The following LRMDA variants were observed in gnomAD, a reference collection of about 807,000 sequenced individuals.
LRMDA encodes the protein leucine-rich melanocyte differentiation-associated protein.
In LRMDA, 18 loss-of-function variants were observed where a neutral mutation model predicts 29.8. The ratio of observed to expected loss-of-function variants is 0.60; its 90% CI spans 0.42 to 0.90. LRMDA has a LOEUF of 0.90. Ranked by LOEUF, LRMDA falls within the 40% of genes least tolerant of loss-of-function variation. The pLI is 0.00. For synonymous variants in LRMDA, 125 were observed against 109.4 expected, an observed-to-expected ratio of 1.14 and a Z score of -0.89; for missense variants, 273 against 273.9, an observed-to-expected ratio of 1.00 and a Z score of 0.02.
intron 2 of LRMDA, among the ~76,000 whole-genome samples, chr10:75,781,569 C>T (rs566860912): frequency 7.4e-4 from 113 of 152,114 alleles, no homozygotes; most frequent in African/African-American, 2.2e-3. Context: ...TGCTTTAATG[C>T]GAACATTATC....
intron 5 of LRMDA, among the ~76,000 whole-genome samples, chr10:76,223,232 A>G: frequency 6.6e-6 from 1 of 152,050 alleles, no homozygotes; most frequent in Non-Finnish European, 1.5e-5. Flanking sequence ...TAACCTGCAC[A>G]TTGTGCACAT....
At chr10:76,030,015 C>A (rs756778437) in intron 2 of LRMDA, among the ~76,000 whole-genome samples, 10 of 152,160 alleles carry the variant, frequency 6.6e-5, no homozygotes, top group Admixed American at 1.3e-4. Context: ...CTTGCCTCAG[C>A]CTCCTGAATA....
intron 2 of LRMDA, among the ~76,000 whole-genome samples, chr10:75,679,714 A>C (rs1362374455): frequency 6.6e-6 from 1 of 152,104 alleles, no homozygotes; most frequent in Non-Finnish European, 1.5e-5. Context: ...TTGTTTTTTC[A>C]TTCCATTCTG....
At chr10:76,482,763 T>A (rs1263691506) in intron 6 of LRMDA, among the ~76,000 whole-genome samples, 3 of 151,974 alleles carry the variant, frequency 2.0e-5, no homozygotes, top group Non-Finnish European at 4.4e-5. Flanking sequence ...TGCCAGATAG[T>A]TTTTTAAAGT....
chr10:75,499,327 T>C (rs1363094732), intron 2 of LRMDA, among the ~76,000 whole-genome samples: 3 of 152,084 alleles, frequency 2.0e-5, no homozygotes, highest in Admixed American at 1.3e-4. Context: ...CTTTTCCAGG[T>C]TTGTGGGTCT....
chr10:76,283,140 A>G (rs1314846540), intron 5 of LRMDA, among the ~76,000 whole-genome samples: 1 of 152,176 alleles, frequency 6.6e-6, no homozygotes, highest in Non-Finnish European at 1.5e-5. Context: ...GAAATGTGAA[A>G]TTGTGTTTCC....
intron 6 of LRMDA, among the ~76,000 whole-genome samples, chr10:76,402,571 C>G (rs1347032674): frequency 2.0e-5 from 3 of 152,106 alleles, no homozygotes; most frequent in Non-Finnish European, 4.4e-5. Flanking sequence ...ACTGGCTGGT[C>G]TCCAACTTCT....
intron 2 of LRMDA, among the ~76,000 whole-genome samples, chr10:75,705,558 C>T (rs1842356211): frequency 1.3e-5 from 2 of 152,156 alleles, no homozygotes; most frequent in Non-Finnish European, 2.9e-5. Context: ...GGAGTTTTCT[C>T]ATTAGAAGTG....
chr10:76,307,486 G>A (rs568865906), intron 5 of LRMDA, among the ~76,000 whole-genome samples: 1 of 152,248 alleles, frequency 6.6e-6, no homozygotes, highest in South Asian at 2.1e-4. Context: ...CCACTACACT[G>A]TATTCTGGGA....
chr10:76,261,692 T>A (rs1219664587), intron 5 of LRMDA, among the ~76,000 whole-genome samples: 1 of 152,206 alleles, frequency 6.6e-6, no homozygotes, highest in Non-Finnish European at 1.5e-5. Context: ...CAATAATGGG[T>A]CTGCAAGTTG....
chr10:76,212,070 C>A (rs1255343190), intron 5 of LRMDA, among the ~76,000 whole-genome samples: 1 of 152,158 alleles, frequency 6.6e-6, no homozygotes, highest in Non-Finnish European at 1.5e-5. Flanking sequence ...CTCTCAGCAT[C>A]ACAGAATCTT....
At chr10:75,621,274 A>G (rs1841183139) in intron 2 of LRMDA, among the ~76,000 whole-genome samples, 2 of 151,836 alleles carry the variant, frequency 1.3e-5, no homozygotes, top group Admixed American at 1.3e-4. Flanking sequence ...TCATTGATTG[A>G]TGGGCATTTG....
rs140774722 is a variant in LRMDA, at chr10:75,966,116, C to T, written c.132-69892C>T. On this transcript the variant is annotated intron_variant, in intron 2 of 6. Coordinates refer to ENST00000611255, the MANE Select transcript of LRMDA (RefSeq NM_001305581.2). ...GCTAGTTTCATGTCTTCCTATCATC[C>T]ACTAAAGTAGCTACATAATTGTGAA... Among the ~76,000 whole-genome samples, 199 of 152,266 alleles carry T rather than the reference C, an allele frequency of 1.3e-3. 3 individuals are homozygous for T. In the South Asian group the frequency reaches 0.021, roughly 16 times the overall value.
intron 6 of LRMDA, chr10:76,433,592 C>T (rs958014416): frequency 2.0e-5 from 3 of 152,196 alleles, no homozygotes. Flanking sequence ...CTGTGAAAGA[C>T]CAAAGACTCT....
At chr10:76,286,509 G>T (rs1840273086) in intron 5 of LRMDA, among the ~76,000 whole-genome samples, 1 of 152,226 alleles carries the variant, frequency 6.6e-6, no homozygotes, top group African/African-American at 2.4e-5. Flanking sequence ...GCTCTGCTGA[G>T]TGACCAGAGA....
chr10:76,106,481 A>G (rs1422931999), intron 5 of LRMDA, among the ~76,000 whole-genome samples: 2 of 152,172 alleles, frequency 1.3e-5, no homozygotes, highest in Non-Finnish European at 2.9e-5. Flanking sequence ...ATATCCCTGT[A>G]TCATTTCCCC....
intron 2 of LRMDA, among the ~76,000 whole-genome samples, chr10:76,005,596 G>C (rs1168840219): frequency 6.7e-6 from 1 of 148,990 alleles, no homozygotes; most frequent in Non-Finnish European, 1.5e-5. Flanking sequence ...CTGGGTAACA[G>C]AGTCCTATCT....
chr10:75,665,843 C>T (rs1268678538), intron 2 of LRMDA, among the ~76,000 whole-genome samples: 3 of 152,120 alleles, frequency 2.0e-5, no homozygotes, highest in Non-Finnish European at 4.4e-5. Flanking sequence ...ATTTTTGCCT[C>T]TAGAAATGCA....
intron 6 of LRMDA, among the ~76,000 whole-genome samples, chr10:76,427,576 C>T (rs1428686174): frequency 1.3e-5 from 2 of 152,102 alleles, no homozygotes; most frequent in African/African-American, 2.4e-5. Flanking sequence ...TCCTCTTTTC[C>T]TAATTGAATG....
Sources: allele counts gnomAD v4.1 joint callset (sites outside exome capture counted in the v4.1 genomes callset), GRCh38; gene constraint gnomAD v4.1.1; transcripts MANE v1.5; gene names NCBI Gene and HGNC (gene_info 2026-07-23, HGNC 2026-07-21).